KLF12: variants seen among roughly 807,000 people sequenced by gnomAD.
The protein encoded by KLF12 is Krueppel-like factor 12.
KLF12 carries 9 observed loss-of-function variants against 37.8 expected under a neutral mutation model. The observed-to-expected ratio is 0.24, with a 90% confidence interval of 0.14 to 0.42. The LOEUF (loss-of-function observed/expected upper bound fraction) is 0.42. KLF12 is among the 10% of genes least tolerant of loss of function. The pLI, the probability that KLF12 is intolerant of heterozygous loss-of-function variation, is 1.00. For synonymous variants in KLF12, 208 were observed against 202.1 expected (o/e 1.03, Z -0.25); for missense variants, 411 against 516.0 (o/e 0.80, Z 1.97).
At chr13:73,934,811 C>G (rs1290439582) in intron 3 of KLF12, among the ~76,000 whole-genome samples, 1 of 151,868 alleles carries the variant, frequency 6.6e-6, no homozygotes, top group Non-Finnish European at 1.5e-5. Context: ...TTTCTGATCT[C>G]CCTCTTCTTG....
At chr13:73,916,570 A>G (rs1367326611) in intron 3 of KLF12, among the ~76,000 whole-genome samples, 1 of 152,224 alleles carries the variant, frequency 6.6e-6, no homozygotes, top group Non-Finnish European at 1.5e-5. Flanking sequence ...TATAGCCAAT[A>G]TAAATAAACA....
At chr13:74,256,376 T>C in the KLF12 span, among the ~76,000 whole-genome samples, 12 of 152,202 alleles carry the variant, frequency 7.9e-5, no homozygotes, top group Admixed American at 6.5e-4. Flanking sequence ...GGTCTTGTTC[T>C]TGTACATTTC....
the KLF12 span, among the ~76,000 whole-genome samples, chr13:74,140,829 A>G: frequency 1.4e-4 from 21 of 152,280 alleles, no homozygotes; most frequent in South Asian, 4.1e-4. Context: ...CAAGGCGGGC[A>G]GATCACGAGA....
chr13:74,167,350 T>C, the KLF12 span, among the ~76,000 whole-genome samples: 1 of 152,236 alleles, frequency 6.6e-6, no homozygotes, highest in Non-Finnish European at 1.5e-5. Flanking sequence ...AGCTGTTTAG[T>C]ATTAGGTGTA....
chr13:73,714,939 T>C (rs572190954), intron 7 of KLF12, among the ~76,000 whole-genome samples: 1 of 152,226 alleles, frequency 6.6e-6, no homozygotes, highest in Non-Finnish European at 1.5e-5. Flanking sequence ...TATCTGTCAT[T>C]TTTTATTTTT....
the KLF12 span, among the ~76,000 whole-genome samples, chr13:74,249,876 T>G: frequency 6.6e-6 from 1 of 152,112 alleles, no homozygotes; most frequent in Non-Finnish European, 1.5e-5. Flanking sequence ...TTCCTGAGGC[T>G]GGGGGACAGG....
intron 5 of KLF12, among the ~76,000 whole-genome samples, chr13:73,769,720 C>A (rs1880149144): frequency 6.6e-6 from 1 of 152,134 alleles, no homozygotes. Flanking sequence ...AAAAGATGTT[C>A]CTTCTGGTAT....
chr13:73,817,079 G>A (rs1280808299), intron 4 of KLF12, among the ~76,000 whole-genome samples: 2 of 152,142 alleles, frequency 1.3e-5, no homozygotes, highest in East Asian at 3.9e-4. Flanking sequence ...CACCTTAGGA[G>A]GCTGAGGCAG....
At chr13:73,748,582 C>T (rs569163108) in intron 6 of KLF12, among the ~76,000 whole-genome samples, 14 of 152,262 alleles carry the variant, frequency 9.2e-5, no homozygotes, top group African/African-American at 2.6e-4. Context: ...AAGCCTTCCC[C>T]GGGAACTGAA....
At chr13:74,186,924 A>G in the KLF12 span, among the ~76,000 whole-genome samples, 2 of 152,212 alleles carry the variant, frequency 1.3e-5, no homozygotes, top group Admixed American at 1.3e-4. Flanking sequence ...AGTTTAGCTA[A>G]CAAGTCTCGT....
chr13:73,718,816 C>T (rs951559126), intron 6 of KLF12, among the ~76,000 whole-genome samples: 1 of 152,096 alleles, frequency 6.6e-6, no homozygotes, highest in Non-Finnish European at 1.5e-5. Flanking sequence ...ATTGCTTAGG[C>T]TGGGGAGGTG....
At chr13:73,818,293 C>T (rs1883344769) in intron 4 of KLF12, among the ~76,000 whole-genome samples, 1 of 152,222 alleles carries the variant, frequency 6.6e-6, no homozygotes. Context: ...TTACAGGCGA[C>T]AGCCACTGCG....
chr13:73,830,338 A>G (rs1199851295), intron 4 of KLF12, among the ~76,000 whole-genome samples: 2 of 152,224 alleles, frequency 1.3e-5, no homozygotes, highest in African/African-American at 4.8e-5. Flanking sequence ...CTCTTTGATA[A>G]ACTTAATAAA....
rs1398830176 is a variant in KLF12, at chr13:74,072,369, A to ATCTATATATATATC, written c.-32+61369_-32+61370insGATATATATATAGA. 2.1e-4 allele frequency among the ~76,000 whole-genome samples: 10 copies of ATCTATATATATATC among 48,196 alleles called. 1 individual carries two copies. Among genetic ancestry groups the ATCTATATATATATC allele is most frequent in the African/African-American group, 1.1e-3 (10 of 9,492 alleles). 31.6% of individuals were successfully genotyped at this position (48,196 alleles called of 152,430 possible). On this transcript the variant is annotated intron_variant, in intron 1 of 7. Coordinates refer to ENST00000377669, the MANE Select transcript of KLF12 (RefSeq NM_007249.5). Reference sequence around the variant, plus strand: ...TTTAAGAATTAAGAAATACAAATATATATATATATATATATATATATATAT... The same window carrying ATCTATATATATATC: ...TTTAAGAATTAAGAAATACAAATATATCTATATATATATCTATATATATATATATATATATATAT...
the KLF12 span, among the ~76,000 whole-genome samples, chr13:74,270,463 C>T: frequency 6.6e-6 from 1 of 152,138 alleles, no homozygotes; most frequent in Non-Finnish European, 1.5e-5. Context: ...ACATTGAAAG[C>T]CTGAGTGAAC....
chr13:74,279,363 C>T, the KLF12 span, among the ~76,000 whole-genome samples: 26 of 152,262 alleles, frequency 1.7e-4, 1 homozygote, highest in African/African-American at 5.5e-4. Context: ...CTATGACTTC[C>T]ACCCTAAATG....
intron 3 of KLF12, among the ~76,000 whole-genome samples, chr13:73,887,006 A>G (rs555073313): frequency 0.013 from 1,971 of 151,930 alleles, 31 homozygotes; most frequent in African/African-American, 0.031. Flanking sequence ...AAAAAAAAAA[A>G]AACAAGAAAA....
chr13:74,049,571 A>G (rs189042500), intron 1 of KLF12, among the ~76,000 whole-genome samples: 9 of 152,364 alleles, frequency 5.9e-5, no homozygotes, highest in Admixed American at 5.9e-4. Context: ...ATGTTCTTAG[A>G]AATTAAAAAT....
intron 3 of KLF12, among the ~76,000 whole-genome samples, chr13:73,862,614 GAA>G (rs78780781): frequency 6.6e-6 from 1 of 151,846 alleles, no homozygotes; most frequent in Non-Finnish European, 1.5e-5. Flanking sequence ...GTTTCGTGAA[GAA>G]AAAAGAGTCA....
Sources: gnomAD v4.1 joint callset for allele counts (sites outside exome capture counted in the v4.1 genomes callset) on GRCh38, gnomAD v4.1.1 for gene constraint, MANE v1.5 for transcripts, NCBI Gene and HGNC (gene_info 2026-07-23, HGNC 2026-07-21) for gene names.